SGCD: variants seen among roughly 807,000 people sequenced by gnomAD.
SGCD encodes the protein sarcoglycan delta.
SGCD carries 18 observed loss-of-function variants against 36.6 expected under a neutral mutation model. The ratio of observed to expected loss-of-function variants is 0.49; its 90% confidence interval spans 0.34 to 0.73. The LOEUF (loss-of-function observed/expected upper bound fraction) is 0.73. Ranked by LOEUF, SGCD falls within the 30% of genes least tolerant of loss-of-function variation. The pLI is 0.01. For synonymous variants in SGCD, 133 were observed against 130.6 expected (o/e 1.02, Z -0.12); for missense variants, 387 against 346.7 (o/e 1.12, Z -0.92).
At chr5:156,429,502 T>A (rs1041216066) in intron 3 of SGCD, among the ~76,000 whole-genome samples, 1 of 151,994 alleles carries the variant, frequency 6.6e-6, no homozygotes, top group African/African-American at 2.4e-5. Context: ...ATTTAGGCCA[T>A]TTACATTTGA....
intron 6 of SGCD, among the ~76,000 whole-genome samples, chr5:156,624,618 C>T (rs1762376879): frequency 6.6e-6 from 1 of 152,074 alleles, no homozygotes; most frequent in African/African-American, 2.4e-5. Context: ...ACCACTCTTA[C>T]TCTTGTGGTA....
chr5:156,230,956 A>G (rs1253467418), intron 3 of SGCD, among the ~76,000 whole-genome samples: 1 of 152,194 alleles, frequency 6.6e-6, no homozygotes, highest in Non-Finnish European at 1.5e-5. Flanking sequence ...AAGACTGCCT[A>G]AAGTATTTCA....
chr5:156,582,938 A>G (rs1028163905), intron 4 of SGCD, among the ~76,000 whole-genome samples: 3 of 152,182 alleles, frequency 2.0e-5, no homozygotes, highest in Admixed American at 2.0e-4. Context: ...GCCTTGAGAT[A>G]TTACCTTTAA....
chr5:156,056,654 A>AAAAACAAAACAAAAC (rs1554115104), intron 1 of SGCD, among the ~76,000 whole-genome samples: 2 of 137,832 alleles, frequency 1.5e-5, no homozygotes, highest in African/African-American at 5.6e-5. Flanking sequence ...TTAAAAAAAA[A>AAAAACAAAACAAAAC]AAAAAAAAAA....
At chr5:156,749,460 C>T (rs1055244004) in intron 7 of SGCD, among the ~76,000 whole-genome samples, 2 of 151,782 alleles carry the variant, frequency 1.3e-5, no homozygotes, top group Non-Finnish European at 2.9e-5. Context: ...TTGACAAACC[C>T]AAAAGTTAGC....
intron 3 of SGCD, among the ~76,000 whole-genome samples, chr5:156,294,884 T>C (rs1414437526): frequency 3.9e-5 from 6 of 152,188 alleles, no homozygotes; most frequent in Admixed American, 3.3e-4. Flanking sequence ...TTTGGTTTGC[T>C]AGTATTTTGT....
At chr5:156,011,599 C>T (rs926266442) in intron 1 of SGCD, among the ~76,000 whole-genome samples, 11 of 152,084 alleles carry the variant, frequency 7.2e-5, no homozygotes, top group Middle Eastern at 3.4e-3. Flanking sequence ...ACCACTGTGC[C>T]GGCCAATTTT....
At chr5:156,690,154 G>A (rs1239520236) in intron 7 of SGCD, among the ~76,000 whole-genome samples, 3 of 152,118 alleles carry the variant, frequency 2.0e-5, no homozygotes, top group Non-Finnish European at 4.4e-5. Context: ...CCCTTAGAAG[G>A]TAAGTACTAT....
At chr5:155,919,651 C>G (rs932500280) in intron 1 of SGCD, among the ~76,000 whole-genome samples, 8 of 152,174 alleles carry the variant, frequency 5.3e-5, no homozygotes, top group African/African-American at 1.7e-4. Flanking sequence ...GATCATTCAT[C>G]ATGGCAATCC....
At chr5:156,025,623 T>C (rs1370176498) in intron 1 of SGCD, among the ~76,000 whole-genome samples, 1 of 152,180 alleles carries the variant, frequency 6.6e-6, no homozygotes, top group African/African-American at 2.4e-5. Flanking sequence ...AAATATGAGA[T>C]TTTTCTCCAT....
At chr5:156,341,991 T>G (rs1768679288) in intron 2 of SGCD, among the ~76,000 whole-genome samples, 1 of 152,124 alleles carries the variant, frequency 6.6e-6, no homozygotes, top group Non-Finnish European at 1.5e-5. Context: ...GGATTACAGG[T>G]GTGAGCCACC....
In SGCD at chr5:156,512,133, G is replaced by T. The variant is rs62380860; in HGVS notation, c.294+3431G>T. Among the ~76,000 whole-genome samples the T allele has an allele frequency of 3.6e-3, 518 of 144,912 alleles. 2 individuals carry two copies. The highest frequency in any genetic ancestry group is 0.03 in the Middle Eastern group (8 of 270). Reference sequence around the variant, plus strand: ...CACTTGAATACAGGAGGTGGAGCTTGCAGTGAGCTGAGATCGTGCCACTGC... The same window carrying T: ...CACTTGAATACAGGAGGTGGAGCTTTCAGTGAGCTGAGATCGTGCCACTGC... On this transcript the variant is annotated intron_variant, in intron 4 of 8. Coordinates refer to ENST00000337851, the MANE Select transcript of SGCD (RefSeq NM_000337.6).
At chr5:156,158,948 G>A (rs896611812) in intron 3 of SGCD, among the ~76,000 whole-genome samples, 7 of 151,364 alleles carry the variant, frequency 4.6e-5, no homozygotes, top group East Asian at 1.9e-4. Flanking sequence ...TTAGATATGA[G>A]TGATACACTT....
the SGCD span, among the ~76,000 whole-genome samples, chr5:155,796,152 T>G: frequency 2.0e-5 from 3 of 152,136 alleles, no homozygotes; most frequent in African/African-American, 7.2e-5. Context: ...AGAAATTATA[T>G]TTTTCCAAGT....
intron 7 of SGCD, among the ~76,000 whole-genome samples, chr5:156,717,066 A>G (rs1755257707): frequency 6.6e-6 from 1 of 152,246 alleles, no homozygotes; most frequent in Admixed American, 6.5e-5. Context: ...TACATTGAAT[A>G]TTTTTAAAAG....
At chr5:156,706,497 C>A (rs1021331003) in intron 7 of SGCD, among the ~76,000 whole-genome samples, 1 of 152,130 alleles carries the variant, frequency 6.6e-6, no homozygotes, top group African/African-American at 2.4e-5. Context: ...ATTTCTGCCA[C>A]CCTTAGGTGG....
At chr5:156,406,935 G>C (rs1251447952) in intron 3 of SGCD, among the ~76,000 whole-genome samples, 3 of 151,304 alleles carry the variant, frequency 2.0e-5, no homozygotes, top group African/African-American at 7.3e-5. Flanking sequence ...GGAGTGAGGA[G>C]AGCCAGTCCT....
At chr5:156,710,474 C>A (rs1301033285) in intron 7 of SGCD, among the ~76,000 whole-genome samples, 2 of 152,256 alleles carry the variant, frequency 1.3e-5, no homozygotes, top group African/African-American at 2.4e-5. Context: ...GACTATGACC[C>A]ATAACGCAGC....
At chr5:156,606,559 G>A (rs1761465213) in intron 6 of SGCD, among the ~76,000 whole-genome samples, 1 of 152,148 alleles carries the variant, frequency 6.6e-6, no homozygotes, top group South Asian at 2.1e-4. Context: ...GAACTTTAAA[G>A]TAGTTTTTTT....
Sources: allele counts gnomAD v4.1 joint callset (sites outside exome capture counted in the v4.1 genomes callset), GRCh38; gene constraint gnomAD v4.1.1; transcripts MANE v1.5; gene names NCBI Gene and HGNC (gene_info 2026-07-23, HGNC 2026-07-21).